The following TDRD7 variants were observed in gnomAD, a reference collection of about 807,000 sequenced individuals.
TDRD7 encodes tudor domain-containing protein 7.
In TDRD7, 47 loss-of-function variants were observed where a neutral mutation model predicts 109.8. The ratio of observed to expected loss-of-function variants is 0.43; its 90% CI spans 0.34 to 0.55. The LOEUF (loss-of-function observed/expected upper bound fraction) is 0.55. Among genes scored for constraint, TDRD7 ranks in the 20% least tolerant of loss-of-function variants. The pLI is 0.03. For missense variants in TDRD7, 1,164 were observed against 1,319.2 expected, an observed-to-expected ratio of 0.88 and a Z score of 1.82; for synonymous variants, 424 against 457.3, an observed-to-expected ratio of 0.93 and a Z score of 0.93.
At chr9:97,469,394 C>T (rs1049656379) in intron 8 of TDRD7, among the ~76,000 whole-genome samples, 1 of 152,194 alleles carries the variant, frequency 6.6e-6, no homozygotes, top group African/African-American at 2.4e-5. Context: ...GGTAGACAGG[C>T]CCCACAGGCC....
At chr9:97,491,232 CA>C (rs1829304497) in intron 16 of TDRD7, among the ~76,000 whole-genome samples, 1 of 152,176 alleles carries the variant, frequency 6.6e-6, no homozygotes, top group Non-Finnish European at 1.5e-5. Context: ...ACACCCAGCC[CA>C]CATTTCTGTT....
intron 5 of TDRD7, among the ~76,000 whole-genome samples, chr9:97,439,799 C>T (rs1179644986): frequency 6.6e-6 from 1 of 152,162 alleles, no homozygotes; most frequent in East Asian, 1.9e-4. Flanking sequence ...ATAAATAATT[C>T]TTTGGGTAAT....
intron 6 of TDRD7, among the ~76,000 whole-genome samples, chr9:97,457,810 G>A (rs1446201014): frequency 6.6e-6 from 1 of 152,182 alleles, no homozygotes; most frequent in Non-Finnish European, 1.5e-5. Flanking sequence ...GCCATAGAAA[G>A]GAATGAGATT....
intron 1 of TDRD7, among the ~76,000 whole-genome samples, chr9:97,425,833 C>T (rs1277371061): frequency 1.3e-5 from 2 of 152,158 alleles, no homozygotes; most frequent in South Asian, 2.1e-4. Flanking sequence ...AGTTTCATTG[C>T]TGTGCAAACA....
intron 1 of TDRD7, among the ~76,000 whole-genome samples, chr9:97,424,962 A>G (rs998244160): frequency 3.3e-5 from 5 of 151,904 alleles, no homozygotes; most frequent in African/African-American, 4.8e-5. Context: ...AAAAAATTTT[A>G]GTGGTTGCCA....
chr9:97,430,781 T>G, intron 2 of TDRD7, 152 bp from the exon 3 acceptor site: 1 of 871,802 alleles, frequency 1.1e-6, no homozygotes, highest in Non-Finnish European at 1.9e-6. Flanking sequence ...ATAATTTTCT[T>G]CTAGCATTAT....
rs904644371 is a variant in TDRD7, at chr9:97,412,393, G to A, written c.-7+155G>A. On this transcript the variant is annotated intron_variant, in intron 1 of 16. Coordinates refer to ENST00000355295, the MANE Select transcript of TDRD7 (RefSeq NM_014290.3). This position sits in a 1 kb window ranked among gnomAD's most constrained non-coding sequence, Gnocchi z 4.3. ...GGGCCTTTTCCCTGCAGCCGCAGGG[G>A]ATTGCCCCCGCCCCGACGCCTGGGA... is the stretch of plus-strand genomic sequence containing the variant. Among the ~76,000 whole-genome samples, 2 of 152,164 alleles carry A rather than the reference G, an allele frequency of 1.3e-5. No homozygotes were observed. The highest frequency in any genetic ancestry group is 6.5e-5 in the Admixed American group (1 of 15,284).
intron 16 of TDRD7, among the ~76,000 whole-genome samples, chr9:97,487,735 T>C (rs901744471): frequency 1.1e-4 from 16 of 152,188 alleles, no homozygotes; most frequent in African/African-American, 3.4e-4. Context: ...TCCCTATTGA[T>C]GAACATTTTT....
intron 1 of TDRD7, among the ~76,000 whole-genome samples, chr9:97,424,652 T>C (rs1424074605): frequency 2.0e-5 from 3 of 152,188 alleles, no homozygotes; most frequent in Non-Finnish European, 4.4e-5. Context: ...CTTTTTTCTT[T>C]TTACTTTTAA....
rs116412701 is a variant in TDRD7, at chr9:97,421,679, G to A, written c.-6-6781G>A. Among the ~76,000 whole-genome samples the A allele has an allele frequency of 8.1e-3, 1,225 of 151,306 alleles. 14 individuals are homozygous for A. The highest frequency in any genetic ancestry group is 0.027 in the African/African-American group (1,128 of 41,074). ...CTCAGGTAGCTGGGACTACAGGCAC[G>A]TGCGACTATGCCCAGCTTTTGTGTG... On this transcript the variant is annotated intron_variant, in intron 1 of 16. Coordinates refer to ENST00000355295, the MANE Select transcript of TDRD7 (RefSeq NM_014290.3).
chr9:97,473,397 G>C (rs903685209), intron 10 of TDRD7, 95 bp from the exon 11 acceptor site: 2 of 1,536,358 alleles, frequency 1.3e-6, no homozygotes, highest in Non-Finnish European at 1.8e-6. Flanking sequence ...AAAATGCAAA[G>C]ACTTGTTATG....
chr9:97,434,278 A>T (rs1318300985), intron 4 of TDRD7, among the ~76,000 whole-genome samples: 11 of 152,164 alleles, frequency 7.2e-5, no homozygotes. Context: ...AAGAAACACC[A>T]CATTATCTTA....
chr9:97,460,316 G>C lies in TDRD7; in HGVS notation c.994G>C (p.Gly332Arg). 6.2e-7 allele frequency: 1 copy of C among 1,614,220 alleles called. No homozygotes were observed. Among genetic ancestry groups the C allele is most frequent in the South Asian group, 1.1e-5 (1 of 91,088 alleles). ...PGPKQTPPLKGCPTVMAGDFK... is the reference protein window; with the variant it reads ...PGPKQTPPLKRCPTVMAGDFK... ...TCCCAAACAAACACCACCGTTGAAA[G>C]GGTGTCCAACAGTTATGGCAGGAGA... is the stretch of plus-strand genomic sequence containing the variant. The change falls in exon 7 of 17, where the codon GGG becomes CGG. Residue 332 changes from glycine to arginine, a missense_variant. Gly to Arg is a moderately radical substitution (Grantham distance 125). This residue lies in a region of TDRD7 where 407 missense variants were observed against 394.0 expected (regional missense o/e 1.03). Coordinates refer to ENST00000355295, the MANE Select transcript of TDRD7 (RefSeq NM_014290.3).
chr9:97,494,300 A>C (rs1461114075), intron 16 of TDRD7, among the ~76,000 whole-genome samples: 2 of 152,196 alleles, frequency 1.3e-5, no homozygotes, highest in East Asian at 1.9e-4. Context: ...ACTTCCCACA[A>C]CACCAGTGAG....
At chr9:97,462,601 A>G (rs1203489963) in intron 7 of TDRD7, among the ~76,000 whole-genome samples, 1 of 152,188 alleles carries the variant, frequency 6.6e-6, no homozygotes, top group East Asian at 1.9e-4. Flanking sequence ...CATCTCAAAT[A>G]TGGGAATCCC....
chr9:97,418,164 T>C (rs1389510515), intron 1 of TDRD7, among the ~76,000 whole-genome samples: 1 of 152,130 alleles, frequency 6.6e-6, no homozygotes, highest in African/African-American at 2.4e-5. Context: ...GAAGTATGTG[T>C]GTGGCATAAG....
intron 1 of TDRD7, among the ~76,000 whole-genome samples, chr9:97,421,661 A>C (rs1390690440): frequency 6.6e-6 from 1 of 151,610 alleles, no homozygotes; most frequent in African/African-American, 2.4e-5. Context: ...CCTCTCAGGT[A>C]GCTGGGACTA....
intron 1 of TDRD7, among the ~76,000 whole-genome samples, chr9:97,426,151 G>T (rs1318964621): frequency 6.6e-6 from 1 of 152,204 alleles, no homozygotes; most frequent in East Asian, 1.9e-4. Flanking sequence ...TGAGTGAATG[G>T]TGAATGAATG....
At chr9:97,473,367 T>C in intron 10 of TDRD7, 125 bp from the exon 11 acceptor site, 1 of 1,277,268 alleles carries the variant, frequency 7.8e-7, no homozygotes, top group Non-Finnish European at 1.1e-6. Context: ...ATCTTACATA[T>C]ACTCTAACTT....
Sources: allele counts gnomAD v4.1 joint callset (sites outside exome capture counted in the v4.1 genomes callset), GRCh38; gene constraint gnomAD v4.1.1; regional missense constraint gnomAD v4.1.1; non-coding constraint Gnocchi (gnomAD v3.1); transcripts MANE v1.5; gene names NCBI Gene and HGNC (gene_info 2026-07-23, HGNC 2026-07-21).